The following SMARCA5 variants were observed in gnomAD, a reference collection of about 807,000 sequenced individuals.
SMARCA5 encodes the protein SWI/SNF-related matrix-associated actin-dependent regulator of chromatin subfamily A member 5.
SMARCA5 carries 18 observed loss-of-function variants against 140.4 expected under a neutral mutation model. That is an observed-to-expected ratio of 0.13 (90% CI 0.09 to 0.19). SMARCA5 has a LOEUF of 0.19. Ranked by LOEUF, SMARCA5 falls within the 10% of genes least tolerant of loss-of-function variation. SMARCA5 has a pLI of 1.00. For missense variants in SMARCA5, 606 were observed against 1,276.8 expected (o/e 0.47, Z 8.01); for synonymous variants, 449 against 419.6 (o/e 1.07, Z -0.86).
chr4:143,521,407 A>G (rs1190783245), intron 2 of SMARCA5, 22 bp from the exon 3 acceptor site: 2 of 1,561,288 alleles, frequency 1.3e-6, no homozygotes, highest in Non-Finnish European at 1.8e-6. Flanking sequence ...GATAAAATGT[A>G]TCTTAAATTT....
chr4:143,534,833 G>T lies in SMARCA5; in HGVS notation c.1159-22G>T, dbSNP rs529617591. The T allele has an allele frequency of 1.4e-5, 22 of 1,563,168 alleles. No homozygotes were observed. The South Asian group carries it at 2.4e-4, about 17-fold the overall frequency. On this transcript the variant is annotated intron_variant, in intron 9 of 23. Coordinates refer to ENST00000283131, the MANE Select transcript of SMARCA5 (RefSeq NM_003601.4). ...CTTATGTGTAATATTGGTATTACCTGTTTATTTTTGTCCTTTTTAAGGTTT... is the reference window on the plus strand; with the variant it reads ...CTTATGTGTAATATTGGTATTACCTTTTTATTTTTGTCCTTTTTAAGGTTT...
At chr4:143,526,658 G>A (rs1419571989) in intron 6 of SMARCA5, among the ~76,000 whole-genome samples, 198 bp downstream of exon 6, 2 of 151,996 alleles carry the variant, frequency 1.3e-5, no homozygotes, top group African/African-American at 2.4e-5. Context: ...TCAGGAGATC[G>A]AGACCATCCT....
rs1371275173 is a variant in SMARCA5 at position 143,553,238 on chromosome 4, G to A, written c.*54G>A. 8 of 1,244,186 alleles carry A rather than the reference G, an allele frequency of 6.4e-6. No individual in the cohort carries two copies. Among genetic ancestry groups the A allele is most frequent in the Middle Eastern group, 2.0e-4 (1 of 5,062 alleles). 77.1% of individuals were successfully genotyped at this position (1,244,186 alleles called of 1,614,324 possible). ...TTAAACCAGTAGTTCTTTAATTTACGGGTCTTCATAAGATGTACTGTACAA... is the reference window on the plus strand; with the variant it reads ...TTAAACCAGTAGTTCTTTAATTTACAGGTCTTCATAAGATGTACTGTACAA... On this transcript the variant is annotated 3_prime_UTR_variant, in exon 24 of 24. Coordinates refer to ENST00000283131, the MANE Select transcript of SMARCA5 (RefSeq NM_003601.4).
At chr4:143,532,859 A>G (rs1737221083) in intron 9 of SMARCA5, among the ~76,000 whole-genome samples, 1 of 152,160 alleles carries the variant, frequency 6.6e-6, no homozygotes, top group South Asian at 2.1e-4. Flanking sequence ...TTAGCTGGAC[A>G]ATGCTAGAAG....
Position 143,529,559 on chromosome 4 carries a change from A to G in SMARCA5, c.1089+845A>G, listed in dbSNP as rs115472311. Among the ~76,000 whole-genome samples, 838 of 152,334 alleles carry G rather than the reference A, an allele frequency of 5.5e-3. 11 individuals carry two copies. Among genetic ancestry groups the G allele is most frequent in the African/African-American group, 0.019 (800 of 41,570 alleles). On this transcript the variant is annotated intron_variant, in intron 8 of 23. Coordinates refer to ENST00000283131, the MANE Select transcript of SMARCA5 (RefSeq NM_003601.4). The stretch of plus-strand genomic sequence containing the variant: ...GGTTAATTAGCTATTTGAACTGTTA[A>G]TAGTAATATAATAACTATGTCAAGA...
rs1373772947 is a variant in SMARCA5, at chr4:143,543,833, C to G, written c.2053-20C>G. On this transcript the variant is annotated intron_variant, in intron 15 of 23. Transcript: ENST00000283131. Reference sequence around the variant, plus strand: ...CTTTCTTTGCTGTGAATCTAAGAAGCTGATTGTTTTGTTCTCTAGACTGCA... The same window carrying G: ...CTTTCTTTGCTGTGAATCTAAGAAGGTGATTGTTTTGTTCTCTAGACTGCA... 1 of 1,582,404 alleles carries G rather than the reference C, an allele frequency of 6.3e-7. No homozygotes were observed. Among genetic ancestry groups the G allele is most frequent in the Admixed American group, 2.0e-5 (1 of 50,890 alleles).
intron 17 of SMARCA5, 107 bp from the exon 18 acceptor site, chr4:143,545,363 C>T (rs1046985335): frequency 2.9e-6 from 2 of 699,954 alleles, no homozygotes; most frequent in Admixed American, 5.2e-5. Flanking sequence ...AAGATGCATT[C>T]AGTTGCTTGC....
rs574555119 is a variant in SMARCA5, at chr4:143,518,415, A to G, written c.252+986A>G. On this transcript the variant is annotated intron_variant, in intron 2 of 23. Coordinates refer to ENST00000283131, the MANE Select transcript of SMARCA5 (RefSeq NM_003601.4). ...TCTCAAAAAGTTAAAATAACAATGT[A>G]TTAAATAAGAATACCACTACACAGT... 2.2e-4 allele frequency among the ~76,000 whole-genome samples: 34 copies of G among 152,318 alleles called. No individual in the cohort carries two copies. The East Asian group carries it at 4.6e-3, about 21-fold the overall frequency.
chr4:143,538,817 G>T lies in SMARCA5; in HGVS notation c.1649G>T (p.Ser550Ile). Residue 550 changes from serine (S) to isoleucine (I), a missense_variant, in exon 13 of 24, where the codon AGC becomes ATC. This residue lies in a region of SMARCA5 where 68 missense variants were observed against 126.9 expected (regional missense o/e 0.54). Transcript: ENST00000283131. ...ATCAATGCATACAATGAACCAAACAGCACAAAGTTTGTTTTCATGTTAAGC... is the reference window on the plus strand; with the variant it reads ...ATCAATGCATACAATGAACCAAACATCACAAAGTTTGTTTTCATGTTAAGC... ...DSINAYNEPNSTKFVFMLSTR... is the reference protein window; with the variant it reads ...DSINAYNEPNITKFVFMLSTR... 1 of 1,614,036 alleles carries T rather than the reference G, an allele frequency of 6.2e-7. No individual in the cohort carries two copies. The highest frequency in any genetic ancestry group is 8.5e-7 in the Non-Finnish European group (1 of 1,179,972).
chr4:143,545,607 T>C, intron 18 of SMARCA5, 24 bp downstream of exon 18: 1 of 1,294,184 alleles, frequency 7.7e-7, no homozygotes, highest in South Asian at 1.2e-5. Flanking sequence ...TCTGCCTTTC[T>C]GTTCATTCCT....
In SMARCA5 at chr4:143,517,385, C is replaced by G; in HGVS notation, c.208C>G (p.Gln70Glu). 1 of 1,609,744 alleles carries G rather than the reference C, an allele frequency of 6.2e-7. No individual in the cohort carries two copies. The highest frequency in any genetic ancestry group is 2.2e-5 in the East Asian group (1 of 44,716). Residue 70 changes from glutamine to glutamate, a missense_variant, in exon 2 of 24, where the codon CAA becomes GAA. Around this residue, in one of 10 missense-constraint regions of SMARCA5, gnomAD observed 164 missense variants for 128.4 expected, o/e 1.28. Coordinates refer to ENST00000283131, the MANE Select transcript of SMARCA5 (RefSeq NM_003601.4). ...ATTTGATGATGCGTCACCTGGAAAGCAAAAGGAAATCCAAGAACCAGATCC... is the reference window on the plus strand; with the variant it reads ...ATTTGATGATGCGTCACCTGGAAAGGAAAAGGAAATCCAAGAACCAGATCC... ...EIFDDASPGK[Q>E]KEIQEPDPTY...
chr4:143,552,659 C>T (rs918391948), intron 23 of SMARCA5, among the ~76,000 whole-genome samples: 3 of 151,768 alleles, frequency 2.0e-5, no homozygotes, highest in African/African-American at 7.3e-5. Flanking sequence ...TTGATTATTT[C>T]AGTGATGTTT....
chr4:143,547,542 A>G, intron 21 of SMARCA5, 39 bp downstream of exon 21: 1 of 1,034,576 alleles, frequency 9.7e-7, no homozygotes, highest in Non-Finnish European at 1.5e-6. Context: ...TTAATAAAAT[A>G]ACTCCTAGCT....
intron 9 of SMARCA5, among the ~76,000 whole-genome samples, chr4:143,531,353 G>A (rs151214513): frequency 1.3e-5 from 2 of 152,344 alleles, no homozygotes; most frequent in East Asian, 3.9e-4. Flanking sequence ...TTGGTAGGTA[G>A]AGAAACTTCT....
intron 6 of SMARCA5, 55 bp downstream of exon 6, chr4:143,526,515 C>T: frequency 1.7e-6 from 2 of 1,201,768 alleles, no homozygotes; most frequent in Non-Finnish European, 2.4e-6. Flanking sequence ...TGAATTCAGG[C>T]TTGGGTATGG....
At chr4:143,540,050 C>T (rs1216986388) in intron 13 of SMARCA5, among the ~76,000 whole-genome samples, 1 of 152,102 alleles carries the variant, frequency 6.6e-6, no homozygotes, top group Non-Finnish European at 1.5e-5. Flanking sequence ...CACTTCTTTG[C>T]CTGATAGCAG....
At chr4:143,537,731 A>G (rs991949980) in intron 11 of SMARCA5, among the ~76,000 whole-genome samples, 1 of 152,074 alleles carries the variant, frequency 6.6e-6, no homozygotes, top group Non-Finnish European at 1.5e-5. Context: ...CCTGGCCAAC[A>G]TGGTGAAACC....
chr4:143,513,800 GC>G lies in SMARCA5; in HGVS notation c.-124del. ...CGTCGCGGAGGCGCGGCGCAGGGGAGCGCTCGGGTGGGAGTCTCGCTCCTCC... is the reference window on the plus strand; with the variant it reads ...CGTCGCGGAGGCGCGGCGCAGGGGAGGCTCGGGTGGGAGTCTCGCTCCTCC... On this transcript the variant is annotated 5_prime_UTR_variant, in exon 1 of 24. Coordinates refer to ENST00000283131, the MANE Select transcript of SMARCA5 (RefSeq NM_003601.4). The G allele has an allele frequency of 1.8e-6, 2 of 1,142,328 alleles. No homozygotes were observed. Among genetic ancestry groups the G allele is most frequent in the Non-Finnish European group, 2.4e-6 (2 of 821,548 alleles). 70.8% of individuals were successfully genotyped at this position (1,142,328 alleles called of 1,614,324 possible).
At chr4:143,535,955 C>T (rs1388743078) in intron 10 of SMARCA5, among the ~76,000 whole-genome samples, 2 of 152,028 alleles carry the variant, frequency 1.3e-5, no homozygotes, top group African/African-American at 4.8e-5. Context: ...GTTTAAGTCA[C>T]GTTGTATTCA....
Sources: allele counts gnomAD v4.1 joint callset (sites outside exome capture counted in the v4.1 genomes callset), GRCh38; gene constraint gnomAD v4.1.1; regional missense constraint gnomAD v4.1.1; transcripts MANE v1.5; gene names NCBI Gene and HGNC (gene_info 2026-07-23, HGNC 2026-07-21).